Variants in CNTN6 observed in about 807,000 individuals in gnomAD.
The protein encoded by CNTN6 is contactin-6.
In CNTN6, 137 loss-of-function variants were observed where a neutral mutation model predicts 122.8. The observed-to-expected ratio is 1.12, with a 90% CI of 0.97 to 1.29. The LOEUF (loss-of-function observed/expected upper bound fraction) is 1.29. Among genes scored for constraint, CNTN6 ranks in the 50% most tolerant of loss-of-function variants. The pLI is 0.00. For missense variants in CNTN6, 1,634 were observed against 1,223.4 expected (o/e 1.34, Z -5.01); for synonymous variants, 570 against 426.0 (o/e 1.34, Z -4.16).
intron 2 of CNTN6, among the ~76,000 whole-genome samples, chr3:1,210,984 G>A (rs1391916): frequency 0.57 from 87,173 of 152,090 alleles, 26,688 homozygotes; most frequent in East Asian, 0.82. Context: ...CAGTGTAAAT[G>A]TGACTCACTG....
At chr3:1,213,310 AT>A (rs1223056552) in intron 2 of CNTN6, among the ~76,000 whole-genome samples, 3 of 148,744 alleles carry the variant, frequency 2.0e-5, no homozygotes, top group Non-Finnish European at 4.5e-5. Context: ...CTTAATATGC[AT>A]TATTTCAACC....
intron 2 of CNTN6, among the ~76,000 whole-genome samples, chr3:1,194,860 G>C (rs1211199680): frequency 6.6e-6 from 1 of 151,650 alleles, no homozygotes; most frequent in African/African-American, 2.4e-5. Flanking sequence ...TATTAATCCT[G>C]TCTTTTTATT....
intron 4 of CNTN6, among the ~76,000 whole-genome samples, chr3:1,249,653 C>A (rs1190851835): frequency 6.6e-6 from 1 of 152,168 alleles, no homozygotes; most frequent in Non-Finnish European, 1.5e-5. Context: ...GTTGAGAGAT[C>A]TACTTTCACA....
At chr3:1,263,564 T>G (rs1192325177) in intron 4 of CNTN6, among the ~76,000 whole-genome samples, 1 of 152,134 alleles carries the variant, frequency 6.6e-6, no homozygotes, top group Non-Finnish European at 1.5e-5. Context: ...CTAAGAAACC[T>G]TTAATCAGAC....
chr3:1,187,701 T>C (rs529814648), intron 2 of CNTN6, among the ~76,000 whole-genome samples: 2 of 152,318 alleles, frequency 1.3e-5, no homozygotes, highest in African/African-American at 4.8e-5. Context: ...ACGCAGGACC[T>C]CTTGTTCATA....
At chr3:1,329,748 A>C in intron 10 of CNTN6, 37 bp from the exon 11 acceptor site, 1 of 1,582,100 alleles carries the variant, frequency 6.3e-7, no homozygotes, top group Non-Finnish European at 8.6e-7. Context: ...ATGTTAACTG[A>C]GTAATTAAAC....
chr3:1,279,743 A>G (rs1368204911), intron 5 of CNTN6, among the ~76,000 whole-genome samples: 4 of 152,204 alleles, frequency 2.6e-5, no homozygotes, highest in African/African-American at 9.6e-5. Flanking sequence ...TTAATGTTAA[A>G]CCAAATCTTA....
At chr3:1,304,552 A>T (rs1389429310) in intron 7 of CNTN6, among the ~76,000 whole-genome samples, 1 of 152,218 alleles carries the variant, frequency 6.6e-6, no homozygotes, top group African/African-American at 2.4e-5. Flanking sequence ...AATTATGTAA[A>T]TATTTTACAA....
Position 1,401,524 on chromosome 3 carries a change from G to T in CNTN6, c.2796G>T (p.Glu932Asp), listed in dbSNP as rs1352744521. The change falls in exon 21 of 23, where the codon GAG becomes GAT. Residue 932 changes from glutamate (E) to aspartate (D), a missense_variant. Physicochemically the swap from Glu to Asp is conservative, Grantham distance 45 (BLOSUM62 2). Coordinates refer to ENST00000446702, the MANE Select transcript of CNTN6 (RefSeq NM_001289080.2). The part of the protein sequence containing the change: ...NWEHVKTMEN[E>D]SEVLGYKILY... ...AGCATGTAAAAACCATGGAAAATGA[G>T]TCTGAAGTTTTGGGGTACAAGGTGA... is the stretch of plus-strand genomic sequence containing the variant. 1.2e-5 allele frequency: 20 copies of T among 1,610,796 alleles called. No homozygotes were observed. The highest frequency in any genetic ancestry group is 1.5e-5 in the Non-Finnish European group (18 of 1,178,012).
At chr3:1,373,028 C>A in intron 14 of CNTN6, 73 bp downstream of exon 14, 1 of 833,420 alleles carries the variant, frequency 1.2e-6, no homozygotes, top group Non-Finnish European at 1.9e-6. Context: ...AATTGTAGAC[C>A]TCTGAGAAAC....
Position 1,372,960 on chromosome 3 carries a change from G to A in CNTN6, c.1786+5G>A, listed in dbSNP as rs749264531. The A allele has an allele frequency of 1.3e-6, 2 of 1,483,936 alleles. No individual in the cohort carries two copies. The highest frequency in any genetic ancestry group is 1.9e-6 in the Non-Finnish European group (2 of 1,071,434). 91.9% of individuals were successfully genotyped at this position (1,483,936 alleles called of 1,614,324 possible). The stretch of plus-strand genomic sequence containing the variant: ...TAGCCGATATCATTGTTAGAGGTAA[G>A]CATAAATGGTGAAAAAGTGATCACA... On this transcript the variant is annotated splice_donor_5th_base_variant and intron_variant, in intron 14 of 22. Coordinates refer to ENST00000446702, the MANE Select transcript of CNTN6 (RefSeq NM_001289080.2).
At chr3:1,317,153 AAC>A (rs1299142576) in intron 7 of CNTN6, among the ~76,000 whole-genome samples, 1 of 151,762 alleles carries the variant, frequency 6.6e-6, no homozygotes, top group Non-Finnish European at 1.5e-5. Context: ...AAACTTTGTT[AAC>A]ACAGACTATT....
chr3:1,243,623 T>C (rs1462041751), intron 4 of CNTN6, among the ~76,000 whole-genome samples: 2 of 151,998 alleles, frequency 1.3e-5, no homozygotes, highest in South Asian at 2.1e-4. Context: ...TTATATTTGA[T>C]GAAAAAGAGC....
At chr3:1,322,044 T>C (rs1481932261) in intron 8 of CNTN6, among the ~76,000 whole-genome samples, 1 of 151,744 alleles carries the variant, frequency 6.6e-6, no homozygotes, top group African/African-American at 2.4e-5. Flanking sequence ...ATGAATGCTA[T>C]TGTTTATTAT....
chr3:1,372,265 A>C lies in CNTN6; in HGVS notation c.1493-34A>C, dbSNP rs374788899. 319 of 1,537,858 alleles carry C rather than the reference A, an allele frequency of 2.1e-4. 1 individual carries two copies. The highest frequency in any genetic ancestry group is 2.4e-4 in the South Asian group (20 of 82,752). ...TTTTATAACCATAGGCTAGCATTTC[A>C]TAAGCTTTAAAAAATAATTTTTTTT... is the stretch of plus-strand genomic sequence containing the variant. On this transcript the variant is annotated intron_variant, in intron 12 of 22. Coordinates refer to ENST00000446702, the MANE Select transcript of CNTN6 (RefSeq NM_001289080.2).
intron 2 of CNTN6, among the ~76,000 whole-genome samples, chr3:1,165,516 C>T (rs2093227295): frequency 1.3e-5 from 2 of 152,004 alleles, no homozygotes; most frequent in Non-Finnish European, 2.9e-5. Context: ...AACTTTTTTC[C>T]TACCTTTCTT....
intron 4 of CNTN6, among the ~76,000 whole-genome samples, chr3:1,237,523 ACAT>A (rs1244171552): frequency 3.9e-5 from 6 of 152,174 alleles, no homozygotes; most frequent in Non-Finnish European, 8.8e-5. Flanking sequence ...AGAGATCTAG[ACAT>A]CCAAATACAA....
chr3:1,239,497 T>C (rs2313871), intron 4 of CNTN6, among the ~76,000 whole-genome samples: 108,712 of 152,046 alleles, frequency 0.71, 40,648 homozygotes, highest in African/African-American at 0.92. Context: ...AGGAAAACTA[T>C]GAAACACTGC....
At chr3:1,198,501 T>C (rs995246002) in intron 2 of CNTN6, among the ~76,000 whole-genome samples, 4 of 152,086 alleles carry the variant, frequency 2.6e-5, no homozygotes, top group African/African-American at 9.7e-5. Flanking sequence ...GGCAGGTGGA[T>C]CACCTGAGGT....
Sources: allele counts gnomAD v4.1 joint callset (sites outside exome capture counted in the v4.1 genomes callset), GRCh38; gene constraint gnomAD v4.1.1; transcripts MANE v1.5; gene names NCBI Gene and HGNC (gene_info 2026-07-23, HGNC 2026-07-21).